Variants in CPQ observed in about 807,000 individuals in gnomAD.
The protein encoded by CPQ is carboxypeptidase Q.
CPQ carries 37 observed loss-of-function variants against 45.7 expected under a neutral mutation model. The observed-to-expected ratio is 0.81, with a 90% confidence interval of 0.62 to 1.07. The LOEUF (loss-of-function observed/expected upper bound fraction) is 1.07, where lower values mean the gene tolerates loss of function less well. Ranked by LOEUF, CPQ falls within the 50% of genes least tolerant of loss-of-function variation. The probability of loss-of-function intolerance (pLI) is 0.00; values close to 1 mark genes in which losing one functional copy is unlikely to be tolerated. For missense variants in CPQ, 537 were observed against 572.9 expected, an observed-to-expected ratio of 0.94 and a Z score of 0.64; for synonymous variants, 186 against 205.8, an observed-to-expected ratio of 0.90 and a Z score of 0.82.
chr8:96,828,895 C>T (rs1811411386), intron 2 of CPQ, among the ~76,000 whole-genome samples: 1 of 152,078 alleles, frequency 6.6e-6, no homozygotes, highest in African/African-American at 2.4e-5. Flanking sequence ...GTTCATGCTG[C>T]TGCAAAAACA....
At chr8:97,116,230 G>C (rs1811590621) in intron 7 of CPQ, among the ~76,000 whole-genome samples, 1 of 152,126 alleles carries the variant, frequency 6.6e-6, no homozygotes, top group Non-Finnish European at 1.5e-5. Context: ...TAGTGAAGAG[G>C]GGCTAGGCAT....
intron 5 of CPQ, among the ~76,000 whole-genome samples, chr8:97,013,916 G>T (rs748056227): frequency 6.6e-6 from 1 of 152,168 alleles, no homozygotes. Flanking sequence ...ATAATTTCTT[G>T]TATTGACAAT....
chr8:96,686,545 C>T (rs773502711), intron 1 of CPQ, among the ~76,000 whole-genome samples: 1 of 151,892 alleles, frequency 6.6e-6, no homozygotes, highest in Non-Finnish European at 1.5e-5. Flanking sequence ...GGTGCATAAA[C>T]ACCACTTAGT....
intron 4 of CPQ, among the ~76,000 whole-genome samples, chr8:96,912,332 T>TGGTA (rs1812675603): frequency 1.3e-5 from 2 of 152,326 alleles, no homozygotes; most frequent in Non-Finnish European, 2.9e-5. Flanking sequence ...GTGAGCAAGG[T>TGGTA]GGTAAGAAAG....
chr8:96,728,421 TC>T (rs1305556907), intron 1 of CPQ, among the ~76,000 whole-genome samples: 1 of 152,104 alleles, frequency 6.6e-6, no homozygotes, highest in Non-Finnish European at 1.5e-5. Flanking sequence ...GCTGGATTTG[TC>T]CCTACTCTTG....
At chr8:97,058,811 AT>A (rs1415890401) in intron 6 of CPQ, among the ~76,000 whole-genome samples, 1 of 152,188 alleles carries the variant, frequency 6.6e-6, no homozygotes, top group African/African-American at 2.4e-5. Context: ...TTCTATTATT[AT>A]TATATTGCTT....
intron 5 of CPQ, among the ~76,000 whole-genome samples, chr8:97,017,668 C>T (rs1809605120): frequency 6.6e-6 from 1 of 152,136 alleles, no homozygotes; most frequent in African/African-American, 2.4e-5. Flanking sequence ...CTGCATTACA[C>T]AGCAGAGAGA....
At chr8:96,686,646 G>A (rs544680757) in intron 1 of CPQ, among the ~76,000 whole-genome samples, 1 of 151,782 alleles carries the variant, frequency 6.6e-6, no homozygotes, top group South Asian at 2.1e-4. Context: ...GTGAGTTTAG[G>A]CTATATTTTT....
At chr8:96,773,021 G>A (rs1457579502) in intron 1 of CPQ, among the ~76,000 whole-genome samples, 1 of 152,162 alleles carries the variant, frequency 6.6e-6, no homozygotes, top group Non-Finnish European at 1.5e-5. Context: ...TCAAGGTCAT[G>A]CATCTAAAGA....
At position 96,785,112 on chromosome 8, in the gene CPQ, A is replaced by T. The variant is rs762736003; in HGVS notation, c.215A>T (p.Asp72Val). 1.9e-5 allele frequency: 30 copies of T among 1,613,674 alleles called. No homozygotes were observed. The South Asian group carries it at 3.3e-4, about 18-fold the overall frequency. ...TATGAGCGATTGGCACTTCTGGTTG[A>T]TACTGTTGGACCCAGACTGAGTGGC... ...RSYERLALLVDTVGPRLSGSK... is the reference protein window; with the variant it reads ...RSYERLALLVVTVGPRLSGSK... The change falls in exon 2 of 8, where the codon GAT (aspartate) becomes GTT (valine). Residue 72 changes from aspartate to valine, a missense_variant. Asp to Val is a radical substitution (Grantham distance 152). Transcript: ENST00000220763.
At chr8:97,075,977 T>C (rs1810838846) in intron 7 of CPQ, among the ~76,000 whole-genome samples, 2 of 152,186 alleles carry the variant, frequency 1.3e-5, no homozygotes, top group Admixed American at 1.3e-4. Flanking sequence ...TTTGTATTTC[T>C]AAAAGGTAAG....
intron 5 of CPQ, among the ~76,000 whole-genome samples, chr8:96,978,825 C>T (rs1398298986): frequency 2.6e-5 from 4 of 152,168 alleles, no homozygotes; most frequent in Admixed American, 1.3e-4. Context: ...GTAGGGCTGT[C>T]TGGAAAACCT....
At chr8:96,852,559 G>A (rs1338514503) in intron 3 of CPQ, among the ~76,000 whole-genome samples, 1 of 152,086 alleles carries the variant, frequency 6.6e-6, no homozygotes, top group Middle Eastern at 3.2e-3. Flanking sequence ...CCTCTTCCTT[G>A]CTCCTGCTTA....
At chr8:97,075,158 A>G (rs1290625014) in intron 7 of CPQ, among the ~76,000 whole-genome samples, 1 of 152,168 alleles carries the variant, frequency 6.6e-6, no homozygotes, top group Non-Finnish European at 1.5e-5. Context: ...GGTTGAAAAC[A>G]ATTGCTTTAG....
At chr8:97,067,255 T>TATACTACTTCAC (rs1371659388) in intron 7 of CPQ, among the ~76,000 whole-genome samples, 4 of 152,074 alleles carry the variant, frequency 2.6e-5, no homozygotes, top group Non-Finnish European at 4.4e-5. Flanking sequence ...AAGACAAATG[T>TATACTACTTCAC]ATACTACTTC....
At chr8:97,046,802 A>G (rs529997348) in intron 6 of CPQ, among the ~76,000 whole-genome samples, 2 of 152,334 alleles carry the variant, frequency 1.3e-5, no homozygotes, top group South Asian at 4.1e-4. Context: ...AAAGCTCTGG[A>G]AAATACTTTA....
Position 96,989,776 on chromosome 8 carries a change from C to T in CPQ, c.961+23730C>T, listed in dbSNP as rs555115184. ...CAGAAATAGAGATGCACCCTTTCTT[C>T]TTCAGTAGCTTTGAGGATCAAAGAA... On this transcript the variant is annotated intron_variant, in intron 5 of 7. Transcript: ENST00000220763. 3.3e-5 allele frequency among the ~76,000 whole-genome samples: 5 copies of T among 152,112 alleles called. No homozygotes were observed. The South Asian group carries it at 1.0e-3, about 32-fold the overall frequency.
At chr8:97,086,935 A>G (rs1811049871) in intron 7 of CPQ, among the ~76,000 whole-genome samples, 1 of 152,184 alleles carries the variant, frequency 6.6e-6, no homozygotes, top group African/African-American at 2.4e-5. Context: ...ACAAAAGAAA[A>G]GAAAGCCACC....
At chr8:97,072,978 A>AG (rs1810773485) in intron 7 of CPQ, among the ~76,000 whole-genome samples, 1 of 152,202 alleles carries the variant, frequency 6.6e-6, no homozygotes, top group Non-Finnish European at 1.5e-5. Context: ...AGGAAGAGTA[A>AG]GATAATGCCA....
Sources: gnomAD v4.1 joint callset for allele counts (sites outside exome capture counted in the v4.1 genomes callset) on GRCh38, gnomAD v4.1.1 for gene constraint, MANE v1.5 for transcripts, NCBI Gene and HGNC (gene_info 2026-07-23, HGNC 2026-07-21) for gene names.